The following SMC2 variants were observed in gnomAD, a reference collection of about 807,000 sequenced individuals.
SMC2 encodes the protein structural maintenance of chromosomes 2.
In SMC2, 41 loss-of-function variants were observed where a neutral mutation model predicts 142.6. The observed-to-expected ratio is 0.29, with a 90% CI of 0.22 to 0.37. The LOEUF is 0.37. Among genes scored for constraint, SMC2 ranks in the 10% least tolerant of loss-of-function variants. The probability of loss-of-function intolerance (pLI) is 1.00; values close to 1 mark genes in which losing one functional copy is unlikely to be tolerated. For synonymous variants in SMC2, 463 were observed against 457.5 expected, an observed-to-expected ratio of 1.01 and a Z score of -0.15; for missense variants, 1,265 against 1,373.7, an observed-to-expected ratio of 0.92 and a Z score of 1.25.
chr9:104,102,003 T>C lies in SMC2; in HGVS notation c.680T>C (p.Ile227Thr), dbSNP rs1831189116. The C allele has an allele frequency of 6.2e-7, 1 of 1,610,300 alleles. No individual in the cohort carries two copies. The highest frequency in any genetic ancestry group is 8.5e-7 in the Non-Finnish European group (1 of 1,178,742). The part of the protein sequence containing the change: ...YLEYQKVMRE[I>T]EHLSRLYIAY... Reference sequence around the variant, plus strand: ...GAGTACCAAAAAGTAATGAGAGAAATAGAACATTTGAGTCGTTTATATATT... The same window carrying C: ...GAGTACCAAAAAGTAATGAGAGAAACAGAACATTTGAGTCGTTTATATATT... The change falls in exon 8 of 25, where the codon ATA becomes ACA. Residue 227 changes from isoleucine to threonine, a missense_variant. By Grantham distance (89) the Ile-to-Thr change is moderately conservative. Coordinates refer to ENST00000374793, the MANE Select transcript of SMC2 (RefSeq NM_006444.3).
rs181091072 is a variant in SMC2 at position 104,117,761 on chromosome 9, C to T, written c.1792-410C>T. Among the ~76,000 whole-genome samples, 289 of 152,200 alleles carry T rather than the reference C, an allele frequency of 1.9e-3. 1 individual carries two copies. The highest frequency in any genetic ancestry group is 3.6e-3 in the Non-Finnish European group (242 of 67,986). On this transcript the variant is annotated intron_variant, in intron 14 of 24. Coordinates refer to ENST00000374793, the MANE Select transcript of SMC2 (RefSeq NM_006444.3). ...AGTATTTTGGATTTAGAAAGTTCAA[C>T]CACTGTAATACAAATATACCAAAAT...
At position 104,115,051 on chromosome 9, in the gene SMC2, A is replaced by ATCTC. The variant is rs373758940; in HGVS notation, c.1671+224_1671+227dup. On this transcript the variant is annotated intron_variant, in intron 13 of 24. Coordinates refer to ENST00000374793, the MANE Select transcript of SMC2 (RefSeq NM_006444.3). ...ATATTACCAATCTTAAACTTTTGGG[A>ATCTC]TCTCTTTGCTGTATAAGTTGAATTT... is the stretch of plus-strand genomic sequence containing the variant. Among the ~76,000 whole-genome samples, 802 of 152,134 alleles carry ATCTC rather than the reference A, an allele frequency of 5.3e-3. 7 individuals carry two copies. Among genetic ancestry groups the ATCTC allele is most frequent in the African/African-American group, 0.019 (769 of 41,502 alleles).
At chr9:104,090,167 T>C (rs1426293554), upstream of SMC2, among the ~76,000 whole-genome samples, 3 of 152,070 alleles carry the variant, frequency 2.0e-5, no homozygotes, top group Non-Finnish European at 4.4e-5. Flanking sequence ...ATGGATAAAA[T>C]ATAATTATTG....
intron 22 of SMC2, 129 bp from the exon 23 acceptor site, chr9:104,134,286 A>G (rs1216548751): frequency 3.5e-6 from 2 of 566,112 alleles, no homozygotes; most frequent in African/African-American, 1.9e-5. Flanking sequence ...CACATGGGCC[A>G]TAGTTTGTCA....
intron 1 of SMC2, chr9:104,094,900 T>C (rs78700494): frequency 3.1e-5 from 1 of 32,634 alleles, no homozygotes; most frequent in Non-Finnish European, 6.6e-5. Context: ...GAGTGAAGGA[T>C]TGTGGAGAGG....
intron 11 of SMC2, 80 bp from the exon 12 acceptor site, chr9:104,113,884 A>G (rs1832773373): frequency 5.1e-6 from 4 of 788,112 alleles, no homozygotes; most frequent in Middle Eastern, 2.8e-4. Context: ...CTTTGGAAAT[A>G]GTGGTTGCTA....
intron 21 of SMC2, among the ~76,000 whole-genome samples, chr9:104,130,488 A>G (rs1834839998): frequency 6.6e-6 from 1 of 152,166 alleles, no homozygotes; most frequent in African/African-American, 2.4e-5. Flanking sequence ...ACCTTCCTGA[A>G]TGCTGGAAAA....
At chr9:104,138,189 C>A in intron 24 of SMC2, 24 bp downstream of exon 24, 1 of 1,559,552 alleles carries the variant, frequency 6.4e-7, no homozygotes, top group Non-Finnish European at 8.7e-7. Flanking sequence ...AAAAAAGTCT[C>A]AGTAATAGTT....
At chr9:104,110,543 G>A (rs573147738) in intron 9 of SMC2, among the ~76,000 whole-genome samples, 1 of 152,210 alleles carries the variant, frequency 6.6e-6, no homozygotes, top group Admixed American at 6.5e-5. Flanking sequence ...AAAAGTATAT[G>A]TGATTTTTGA....
At chr9:104,088,824 C>T in the SMC2 span, among the ~76,000 whole-genome samples, 1 of 152,098 alleles carries the variant, frequency 6.6e-6, no homozygotes, top group Admixed American at 6.5e-5. Context: ...GACAGGCAGA[C>T]ATCTTATTCA....
At chr9:104,103,529 C>G (rs1241664943) in intron 9 of SMC2, among the ~76,000 whole-genome samples, 3 of 152,048 alleles carry the variant, frequency 2.0e-5, no homozygotes, top group African/African-American at 7.2e-5. Context: ...AAATAGGGCC[C>G]CTTAGTAGCT....
chr9:104,130,850 A>G (rs542705239), intron 21 of SMC2, among the ~76,000 whole-genome samples: 1 of 152,158 alleles, frequency 6.6e-6, no homozygotes, highest in Non-Finnish European at 1.5e-5. Flanking sequence ...TTTTTTCAAA[A>G]GAATTTATCA....
rs74959263 is a variant in SMC2 at position 104,100,470 on chromosome 9, G to A, written c.636+37G>A. 0.016 allele frequency: 21,395 copies of A among 1,301,240 alleles called. 1,102 individuals carry two copies. In the African/African-American group the frequency reaches 0.18, roughly 11 times the overall value. The allele number at this position is 1,301,240 out of a possible 1,614,324, so 80.6% of individuals were successfully genotyped here. On this transcript the variant is annotated intron_variant, in intron 7 of 24. Transcript: ENST00000374793. Reference sequence around the variant, plus strand: ...ATATGTGAGGATAATCTATTAGAATGTCTTTCAAAGTCAGCAATGTATCCA... The same window carrying A: ...ATATGTGAGGATAATCTATTAGAATATCTTTCAAAGTCAGCAATGTATCCA...
At chr9:104,113,279 C>T in intron 10 of SMC2, 37 bp from the exon 11 acceptor site, 1 of 1,544,790 alleles carries the variant, frequency 6.5e-7, no homozygotes. Context: ...CTGTCTGCCT[C>T]ATACATCCTA....
intron 14 of SMC2, among the ~76,000 whole-genome samples, chr9:104,117,898 A>G (rs983691527): frequency 6.6e-6 from 1 of 152,194 alleles, no homozygotes; most frequent in Non-Finnish European, 1.5e-5. Context: ...AAACATGGTA[A>G]TGGCTCCTTA....
At chr9:104,088,762 C>T in the SMC2 span, among the ~76,000 whole-genome samples, 3 of 152,204 alleles carry the variant, frequency 2.0e-5, no homozygotes, top group South Asian at 4.1e-4. Flanking sequence ...TTCATTTCTC[C>T]TGGTTAATGT....
At chr9:104,129,945 A>C in intron 21 of SMC2, 100 bp downstream of exon 21, 1 of 861,366 alleles carries the variant, frequency 1.2e-6, no homozygotes, top group Non-Finnish European at 1.8e-6. Flanking sequence ...AACCTTTTGC[A>C]GATGTCCTTG....
In SMC2 at chr9:104,126,642, A is replaced by G. The variant is rs1834326264; in HGVS notation, c.2453A>G (p.Glu818Gly). 6.2e-7 allele frequency: 1 copy of G among 1,604,336 alleles called. No homozygotes were observed. Among genetic ancestry groups the G allele is most frequent in the Non-Finnish European group, 8.5e-7 (1 of 1,177,606 alleles). The change falls in exon 19 of 25, where the codon GAA (glutamate) becomes GGA (glycine). Residue 818 changes from glutamate to glycine, a missense_variant and splice_region_variant. By Grantham distance (98) the Glu-to-Gly change is moderately conservative (BLOSUM62 -2). Around this residue, in one of 4 missense-constraint regions of SMC2, gnomAD observed 898 missense variants for 904.2 expected, o/e 0.99. Coordinates refer to ENST00000374793, the MANE Select transcript of SMC2 (RefSeq NM_006444.3). ...SSKKMKEKQQ[E>G]VEAITLELEE... is the part of the protein sequence containing the mutation. Reference sequence around the variant, plus strand: ...ACCTGAATACTGTATTTTTTATAGGAAGTTGAAGCTATCACTCTGGAACTG... The same window carrying G: ...ACCTGAATACTGTATTTTTTATAGGGAGTTGAAGCTATCACTCTGGAACTG...
chr9:104,090,356 A>C (rs1829968992), upstream of SMC2, among the ~76,000 whole-genome samples: 1 of 152,092 alleles, frequency 6.6e-6, no homozygotes. Flanking sequence ...ATGTCCAAGC[A>C]CAAGGCTGAG....
Sources: allele counts gnomAD v4.1 joint callset (sites outside exome capture counted in the v4.1 genomes callset), GRCh38; gene constraint gnomAD v4.1.1; regional missense constraint gnomAD v4.1.1; transcripts MANE v1.5; gene names NCBI Gene and HGNC (gene_info 2026-07-23, HGNC 2026-07-21).